The following DLG2 variants were observed in gnomAD, a reference collection of about 807,000 sequenced individuals.
DLG2 encodes discs large MAGUK scaffold protein 2.
DLG2 carries 45 observed loss-of-function variants against 132.5 expected under a neutral mutation model. The ratio of observed to expected loss-of-function variants is 0.34; its 90% confidence interval spans 0.27 to 0.44. The LOEUF is 0.44. Ranked by LOEUF, DLG2 falls within the 20% of genes least tolerant of loss-of-function variation. DLG2 has a pLI of 1.00. For synonymous variants in DLG2, 424 were observed against 419.6 expected (o/e 1.01, Z -0.13); for missense variants, 1,045 against 1,196.9 (o/e 0.87, Z 1.87).
At chr11:83,893,549 C>T (rs999743843) in intron 15 of DLG2, among the ~76,000 whole-genome samples, 3 of 152,188 alleles carry the variant, frequency 2.0e-5, no homozygotes, top group African/African-American at 4.8e-5. Context: ...GAGATGCCTT[C>T]CCTGGTCTTC....
intron 5 of DLG2, 127 bp from the exon 6 acceptor site, chr11:85,111,862 T>A: frequency 1.5e-6 from 1 of 653,516 alleles, no homozygotes; most frequent in Non-Finnish European, 2.4e-6. Context: ...GAATGCTTTG[T>A]TGGTGCAATG....
intron 6 of DLG2, among the ~76,000 whole-genome samples, chr11:84,613,961 C>A (rs2099599834): frequency 6.6e-6 from 1 of 152,100 alleles, no homozygotes; most frequent in African/African-American, 2.4e-5. Flanking sequence ...TGGGACCTTG[C>A]CTATGGATCT....
intron 11 of DLG2, among the ~76,000 whole-genome samples, chr11:84,047,166 G>C (rs894257636): frequency 3.3e-5 from 5 of 151,424 alleles, no homozygotes; most frequent in African/African-American, 1.2e-4. Flanking sequence ...GAAGATACTT[G>C]GGAAAAAAGC....
intron 6 of DLG2, among the ~76,000 whole-genome samples, chr11:84,541,660 G>A (rs1008210561): frequency 3.9e-5 from 6 of 151,996 alleles, no homozygotes; most frequent in African/African-American, 1.2e-4. Context: ...ATGCCCAACC[G>A]ACAAATGACA....
At chr11:84,652,660 AAATT>A (rs2099683478) in intron 6 of DLG2, among the ~76,000 whole-genome samples, 1 of 152,218 alleles carries the variant, frequency 6.6e-6, no homozygotes. Context: ...AAGAAAAATA[AAATT>A]AATTATCATG....
At chr11:83,995,764 T>C (rs1021195920) in intron 11 of DLG2, among the ~76,000 whole-genome samples, 1 of 152,142 alleles carries the variant, frequency 6.6e-6, no homozygotes, top group Admixed American at 6.6e-5. Flanking sequence ...GGAAACTGGA[T>C]ATCCATAGGC....
chr11:84,129,109 T>C (rs2094307500), intron 9 of DLG2, among the ~76,000 whole-genome samples: 1 of 152,132 alleles, frequency 6.6e-6, no homozygotes, highest in African/African-American at 2.4e-5. Flanking sequence ...TACAGTTTTT[T>C]TCAGGATGAC....
chr11:85,519,325 C>T (rs2074090061), intron 3 of DLG2, among the ~76,000 whole-genome samples: 1 of 152,210 alleles, frequency 6.6e-6, no homozygotes, highest in Non-Finnish European at 1.5e-5. Context: ...TGCCCAGGAC[C>T]ATAGGAACCC....
At chr11:85,304,404 C>G (rs1012929074) in intron 3 of DLG2, among the ~76,000 whole-genome samples, 2 of 151,922 alleles carry the variant, frequency 1.3e-5, no homozygotes, top group Non-Finnish European at 2.9e-5. Flanking sequence ...AAGGTAAATC[C>G]TAGGTTCTGA....
rs563956384 is a variant in DLG2 at position 83,914,135 on chromosome 11, G to T, written c.1496+16193C>A. Among the ~76,000 whole-genome samples the T allele has an allele frequency of 2.0e-5, 3 of 152,206 alleles. No individual in the cohort carries two copies. The South Asian group carries it at 6.2e-4, about 32-fold the overall frequency. On this transcript the variant is annotated intron_variant, in intron 15 of 27. Coordinates refer to ENST00000376104, the MANE Select transcript of DLG2 (RefSeq NM_001142699.3). ...AATTTCATCCCCAGTGTTGGAGGTG[G>T]GGCCTGGGAGAGGTGTTTTGGTTGT...
chr11:85,323,540 T>C (rs981541813), intron 3 of DLG2, among the ~76,000 whole-genome samples: 1 of 152,232 alleles, frequency 6.6e-6, no homozygotes, highest in South Asian at 2.1e-4. Context: ...TTTTGAAATA[T>C]ACAATAAATT....
At chr11:84,822,117 A>G (rs1256950789) in intron 6 of DLG2, among the ~76,000 whole-genome samples, 3 of 151,970 alleles carry the variant, frequency 2.0e-5, no homozygotes, top group South Asian at 2.1e-4. Flanking sequence ...GATACGGCCC[A>G]TAAGTGGCAA....
chr11:83,734,305 G>A (rs575150125), intron 18 of DLG2, among the ~76,000 whole-genome samples: 1 of 151,962 alleles, frequency 6.6e-6, no homozygotes, highest in Non-Finnish European at 1.5e-5. Context: ...AAAGTGGATT[G>A]TGAAATCAAA....
At chr11:84,539,691 T>G (rs1218974420) in intron 6 of DLG2, among the ~76,000 whole-genome samples, 1 of 152,170 alleles carries the variant, frequency 6.6e-6, no homozygotes, top group Non-Finnish European at 1.5e-5. Flanking sequence ...TTCCTAACCA[T>G]GAGCATGGAA....
chr11:85,450,056 G>A (rs927630851), intron 3 of DLG2, among the ~76,000 whole-genome samples: 1 of 152,072 alleles, frequency 6.6e-6, no homozygotes, highest in South Asian at 2.1e-4. Context: ...GAACCCAGGA[G>A]GCAGAGGTTG....
chr11:85,171,300 G>A (rs1408052954), intron 4 of DLG2, among the ~76,000 whole-genome samples: 1 of 152,184 alleles, frequency 6.6e-6, no homozygotes, highest in African/African-American at 2.4e-5. Flanking sequence ...CCACGGAGCA[G>A]CACAGAGCCA....
At chr11:84,006,320 A>G (rs2094569395) in intron 11 of DLG2, among the ~76,000 whole-genome samples, 1 of 151,596 alleles carries the variant, frequency 6.6e-6, no homozygotes, top group Non-Finnish European at 1.5e-5. Context: ...AAGAGAGGTA[A>G]GTTAATGGGT....
intron 5 of DLG2, among the ~76,000 whole-genome samples, chr11:85,120,908 C>T (rs2074231599): frequency 6.6e-6 from 1 of 151,944 alleles, no homozygotes; most frequent in South Asian, 2.1e-4. Context: ...GGTTTCAGAA[C>T]AATTTTAAGG....
intron 8 of DLG2, among the ~76,000 whole-genome samples, chr11:84,164,139 T>C (rs1452623203): frequency 6.6e-6 from 1 of 152,182 alleles, no homozygotes; most frequent in Non-Finnish European, 1.5e-5. Flanking sequence ...TAGTGACGAA[T>C]TGTTTCAACC....
Sources: allele counts gnomAD v4.1 joint callset (sites outside exome capture counted in the v4.1 genomes callset), GRCh38; gene constraint gnomAD v4.1.1; transcripts MANE v1.5; gene names NCBI Gene and HGNC (gene_info 2026-07-23, HGNC 2026-07-21).